The following KCNIP4 variants were observed in gnomAD, a reference collection of about 807,000 sequenced individuals.
The protein encoded by KCNIP4 is Kv channel-interacting protein 4.
In KCNIP4, 12 loss-of-function variants were observed where a neutral mutation model predicts 34.0. The observed-to-expected ratio is 0.35, with a 90% confidence interval of 0.23 to 0.57. The LOEUF is 0.57. Ranked by LOEUF, KCNIP4 falls within the 20% of genes least tolerant of loss-of-function variation. The pLI is 0.83. For missense variants in KCNIP4, 238 were observed against 311.7 expected (o/e 0.76, Z 1.78); for synonymous variants, 124 against 102.2 (o/e 1.21, Z -1.29).
At chr4:21,078,858 C>T (rs752357252) in intron 1 of KCNIP4, among the ~76,000 whole-genome samples, 6 of 151,968 alleles carry the variant, frequency 3.9e-5, no homozygotes, top group South Asian at 4.2e-4. Context: ...CCTGGGGAGG[C>T]GAATTATTTA....
At chr4:21,317,732 G>A (rs961191858) in intron 1 of KCNIP4, among the ~76,000 whole-genome samples, 2 of 152,132 alleles carry the variant, frequency 1.3e-5, no homozygotes, top group African/African-American at 4.8e-5. Flanking sequence ...CACTTGTTGT[G>A]GGAGGGACCC....
At chr4:21,446,526 C>CA (rs1407428716) in intron 1 of KCNIP4, among the ~76,000 whole-genome samples, 3 of 149,086 alleles carry the variant, frequency 2.0e-5, no homozygotes, top group African/African-American at 7.4e-5. Context: ...ATCGCAAGCA[C>CA]AAAAAACCAA....
intron 1 of KCNIP4, among the ~76,000 whole-genome samples, chr4:21,008,324 G>T (rs1165038050): frequency 6.6e-6 from 1 of 152,178 alleles, no homozygotes; most frequent in Non-Finnish European, 1.5e-5. Flanking sequence ...TTGTAATTTA[G>T]AAAGTGTGAT....
At chr4:21,254,776 T>A (rs75536469) in intron 1 of KCNIP4, among the ~76,000 whole-genome samples, 3,288 of 152,250 alleles carry the variant, frequency 0.022, 86 homozygotes, top group East Asian at 0.16. Context: ...ATTTAGAAAC[T>A]GGAAAAACCT....
rs186814814 is a variant in KCNIP4, at chr4:21,263,114, G to A, written c.62-380405C>T. On this transcript the variant is annotated intron_variant, in intron 1 of 8. Transcript: ENST00000382152. ...GTTTTCATGGAGCTTGACTATAAGG[G>A]TAGCATATCTTGGTCACACTGACAT... Among the ~76,000 whole-genome samples, 276 of 152,218 alleles carry A rather than the reference G, an allele frequency of 1.8e-3. 1 individual carries two copies. Among genetic ancestry groups the A allele is most frequent in the Non-Finnish European group, 3.0e-3 (202 of 68,028 alleles).
intron 3 of KCNIP4, among the ~76,000 whole-genome samples, chr4:20,808,473 T>A (rs1715347187): frequency 6.6e-6 from 1 of 152,182 alleles, no homozygotes; most frequent in Non-Finnish European, 1.5e-5. Context: ...ATAAGTAGAT[T>A]CATCCATCCT....
At chr4:21,700,836 C>G (rs1017426337) in intron 1 of KCNIP4, among the ~76,000 whole-genome samples, 3 of 152,112 alleles carry the variant, frequency 2.0e-5, no homozygotes, top group African/African-American at 7.2e-5. Context: ...TTTCCCAACA[C>G]TTTTTATTGA....
intron 1 of KCNIP4, among the ~76,000 whole-genome samples, chr4:21,793,121 A>T (rs1302993854): frequency 6.6e-6 from 1 of 152,212 alleles, no homozygotes; most frequent in East Asian, 1.9e-4. Flanking sequence ...CCAAAGCCTA[A>T]AATGAGTTTC....
At position 21,064,983 on chromosome 4, in the gene KCNIP4, C is replaced by T. The variant is rs112411261; in HGVS notation, c.62-182274G>A. 4.3e-3 allele frequency among the ~76,000 whole-genome samples: 650 copies of T among 152,198 alleles called. 3 individuals carry two copies. Among genetic ancestry groups the T allele is most frequent in the African/African-American group, 0.015 (620 of 41,522 alleles). ...TATTGCCAATATTTAATATTAAATACATTGACCACCTGTTCATTAATTGAT... is the reference window on the plus strand; with the variant it reads ...TATTGCCAATATTTAATATTAAATATATTGACCACCTGTTCATTAATTGAT... On this transcript the variant is annotated intron_variant, in intron 1 of 8. Transcript: ENST00000382152.
intron 1 of KCNIP4, among the ~76,000 whole-genome samples, chr4:21,018,651 C>T (rs953440904): frequency 6.6e-6 from 1 of 152,214 alleles, no homozygotes; most frequent in East Asian, 1.9e-4. Flanking sequence ...CTTCCCTTCC[C>T]CCTCTCCTTC....
intron 1 of KCNIP4, among the ~76,000 whole-genome samples, chr4:21,059,820 C>T (rs1222677608): frequency 6.6e-6 from 1 of 152,096 alleles, no homozygotes; most frequent in Non-Finnish European, 1.5e-5. Context: ...AGTCACTCAA[C>T]ACAATTTAAC....
intron 1 of KCNIP4, among the ~76,000 whole-genome samples, chr4:21,758,892 G>C (rs1717851868): frequency 6.6e-6 from 1 of 152,024 alleles, no homozygotes; most frequent in South Asian, 2.1e-4. Context: ...ACTTCTCTGA[G>C]CCTCAGTGTA....
chr4:21,415,553 T>A (rs1203238060), intron 1 of KCNIP4, among the ~76,000 whole-genome samples: 1 of 149,230 alleles, frequency 6.7e-6, no homozygotes, highest in Non-Finnish European at 1.5e-5. Context: ...AAAAAAAAAA[T>A]TAGCCAGGTG....
At chr4:21,657,290 G>A (rs964548423) in intron 1 of KCNIP4, among the ~76,000 whole-genome samples, 2 of 152,152 alleles carry the variant, frequency 1.3e-5, no homozygotes, top group African/African-American at 4.8e-5. Flanking sequence ...GCATTAGTGT[G>A]TTGCGTCTGT....
intron 1 of KCNIP4, among the ~76,000 whole-genome samples, chr4:21,475,001 G>GAAAAAA (rs749503341): frequency 6.5e-5 from 6 of 92,430 alleles, no homozygotes; most frequent in South Asian, 3.1e-4. Context: ...ACTCCATCTC[G>GAAAAAA]AAAAACAAAA....
At chr4:21,495,659 C>T (rs1399699059) in intron 1 of KCNIP4, among the ~76,000 whole-genome samples, 2 of 151,894 alleles carry the variant, frequency 1.3e-5, no homozygotes, top group Admixed American at 6.6e-5. Flanking sequence ...GCACTTCCTT[C>T]CTGTACAGAC....
intron 3 of KCNIP4, among the ~76,000 whole-genome samples, chr4:20,760,922 G>A (rs931880354): frequency 1.3e-5 from 2 of 152,184 alleles, no homozygotes; most frequent in Admixed American, 6.6e-5. Context: ...CCAAGTGTTT[G>A]GTCAAGCATT....
intron 1 of KCNIP4, among the ~76,000 whole-genome samples, chr4:21,889,128 G>A (rs932377121): frequency 8.5e-5 from 13 of 152,126 alleles, no homozygotes; most frequent in Non-Finnish European, 1.8e-4. Context: ...AGAGTCAGGA[G>A]TGACAGTGAT....
chr4:20,953,201 C>T (rs1732957777), intron 1 of KCNIP4, among the ~76,000 whole-genome samples: 1 of 152,226 alleles, frequency 6.6e-6, no homozygotes, highest in Non-Finnish European at 1.5e-5. Context: ...GTGTGAGTTA[C>T]CTGTTCCTCC....
Sources: allele counts gnomAD v4.1 joint callset (sites outside exome capture counted in the v4.1 genomes callset), GRCh38; gene constraint gnomAD v4.1.1; transcripts MANE v1.5; gene names NCBI Gene and HGNC (gene_info 2026-07-23, HGNC 2026-07-21).